Variants in HS6ST3 observed in about 807,000 individuals in gnomAD.
HS6ST3 encodes heparan-sulfate 6-O-sulfotransferase 3.
HS6ST3 carries 12 observed loss-of-function variants against 36.7 expected under a neutral mutation model. The observed-to-expected ratio is 0.33, with a 90% CI of 0.21 to 0.53. HS6ST3 has a LOEUF of 0.53. Among genes scored for constraint, HS6ST3 ranks in the 20% least tolerant of loss-of-function variants. HS6ST3 has a pLI of 0.95. For synonymous variants in HS6ST3, 240 were observed against 257.5 expected, an observed-to-expected ratio of 0.93 and a Z score of 0.65; for missense variants, 584 against 640.9, an observed-to-expected ratio of 0.91 and a Z score of 0.96.
intron 1 of HS6ST3, among the ~76,000 whole-genome samples, chr13:96,468,759 T>C (rs1314932510): frequency 1.3e-5 from 2 of 152,172 alleles, no homozygotes; most frequent in Middle Eastern, 3.2e-3. Context: ...ATTTTGGACA[T>C]TTTTAAGAAG....
intron 1 of HS6ST3, among the ~76,000 whole-genome samples, chr13:96,450,201 T>G (rs1192989023): frequency 2.0e-5 from 3 of 152,202 alleles, no homozygotes; most frequent in African/African-American, 7.2e-5. Context: ...TATAAATGAG[T>G]TGGCTTGAAC....
chr13:96,222,812 T>C (rs2054462362), intron 1 of HS6ST3, among the ~76,000 whole-genome samples: 1 of 152,244 alleles, frequency 6.6e-6, no homozygotes, highest in African/African-American at 2.4e-5. Context: ...TATTAATTTC[T>C]CATTTATCAG....
At chr13:96,346,535 A>T (rs1306382450) in intron 1 of HS6ST3, among the ~76,000 whole-genome samples, 1 of 151,600 alleles carries the variant, frequency 6.6e-6, no homozygotes, top group Non-Finnish European at 1.5e-5. Flanking sequence ...AGATCGCGCC[A>T]CTGCACTGCA....
Position 96,836,381 on chromosome 13 carries a change from T to C in HS6ST3, c.*3183T>C, listed in dbSNP as rs144996110. On this transcript the variant is annotated 3_prime_UTR_variant, in exon 2 of 2. Transcript: ENST00000376705. ...AGGACTAAGATACACACTTATCTAT[T>C]CTGTCTCCTTCTAGCTTTTAGGCAG... 2 of 152,314 alleles carry C rather than the reference T, an allele frequency of 1.3e-5. No individual in the cohort carries two copies. The highest frequency in any genetic ancestry group is 3.9e-4 in the East Asian group (2 of 5,168). 9.4% of individuals were successfully genotyped at this position (152,314 alleles called of 1,614,324 possible). A position where few individuals can be genotyped will look rare whatever the true frequency, so the allele number is the denominator to read the frequency against.
intron 1 of HS6ST3, among the ~76,000 whole-genome samples, chr13:96,252,776 C>T (rs994888240): frequency 2.6e-5 from 4 of 151,964 alleles, no homozygotes; most frequent in African/African-American, 9.7e-5. Context: ...CCTCACAATA[C>T]TGAGTTTTTG....
At chr13:96,595,571 ATCT>A (rs762933192) in intron 1 of HS6ST3, among the ~76,000 whole-genome samples, 18 of 151,664 alleles carry the variant, frequency 1.2e-4, no homozygotes, top group Admixed American at 2.6e-4. Context: ...GAATATTTAC[ATCT>A]TCTTCTAGGT....
At chr13:96,448,380 A>C (rs2055709578) in intron 1 of HS6ST3, among the ~76,000 whole-genome samples, 1 of 152,086 alleles carries the variant, frequency 6.6e-6, no homozygotes, top group African/African-American at 2.4e-5. Context: ...CCCCTCGTTT[A>C]AAATTACTCT....
chr13:96,687,050 C>G (rs1470003597), intron 1 of HS6ST3, among the ~76,000 whole-genome samples: 1 of 150,826 alleles, frequency 6.6e-6, no homozygotes, highest in African/African-American at 2.4e-5. Flanking sequence ...TAAAGAAACA[C>G]TGAGCAAATA....
At chr13:96,772,577 G>A (rs1225019106) in intron 1 of HS6ST3, among the ~76,000 whole-genome samples, 1 of 152,190 alleles carries the variant, frequency 6.6e-6, no homozygotes, top group Non-Finnish European at 1.5e-5. Context: ...ACGGTATGAG[G>A]AAATAAACTG....
chr13:96,258,766 G>A (rs9516653), intron 1 of HS6ST3, among the ~76,000 whole-genome samples: 87,152 of 151,914 alleles, frequency 0.57, 25,268 homozygotes, highest in Admixed American at 0.67. Flanking sequence ...TGGTCCAACT[G>A]AATCCATTCA....
intron 1 of HS6ST3, among the ~76,000 whole-genome samples, chr13:96,132,043 A>G (rs2053978351): frequency 1.3e-5 from 2 of 151,744 alleles, no homozygotes; most frequent in South Asian, 4.2e-4. Context: ...TTTATATAAC[A>G]TAATGTCCTC....
intron 1 of HS6ST3, among the ~76,000 whole-genome samples, chr13:96,644,207 A>G (rs1368351756): frequency 6.6e-6 from 1 of 152,114 alleles, no homozygotes; most frequent in East Asian, 1.9e-4. Flanking sequence ...GAAGAAAAAT[A>G]CTTTTTATTT....
chr13:96,370,764 T>G (rs562974648), intron 1 of HS6ST3, among the ~76,000 whole-genome samples: 1 of 152,062 alleles, frequency 6.6e-6, no homozygotes, highest in African/African-American at 2.4e-5. Flanking sequence ...ATACAAAAAT[T>G]AGCCGGGTGC....
intron 1 of HS6ST3, among the ~76,000 whole-genome samples, chr13:96,400,357 TGAA>T: frequency 6.6e-6 from 1 of 151,576 alleles, no homozygotes; most frequent in East Asian, 1.9e-4. Context: ...TCTTGACTCC[TGAA>T]TAGGCTGGGA....
At chr13:96,583,052 C>T (rs1021592441) in intron 1 of HS6ST3, among the ~76,000 whole-genome samples, 13 of 151,968 alleles carry the variant, frequency 8.6e-5, no homozygotes, top group African/African-American at 2.9e-4. Context: ...TTCTCTAGAA[C>T]CCCAGCCATA....
At chr13:96,832,287 A>G (rs1878817444) in intron 1 of HS6ST3, among the ~76,000 whole-genome samples, 1 of 152,226 alleles carries the variant, frequency 6.6e-6, no homozygotes. Context: ...GAAAAGCCCA[A>G]CAAACTCAGT....
At chr13:96,722,931 C>T (rs1594845158) in intron 1 of HS6ST3, among the ~76,000 whole-genome samples, 1 of 151,624 alleles carries the variant, frequency 6.6e-6, no homozygotes, top group Non-Finnish European at 1.5e-5. Context: ...GTGCCATGAT[C>T]GTGCCACTGC....
chr13:96,830,732 T>C (rs1405849058), intron 1 of HS6ST3, among the ~76,000 whole-genome samples: 1 of 152,230 alleles, frequency 6.6e-6, no homozygotes, highest in East Asian at 1.9e-4. Context: ...AAGACATTTG[T>C]ACAGGTGTTA....
chr13:96,825,316 T>G (rs1387788092), intron 1 of HS6ST3, among the ~76,000 whole-genome samples: 6 of 152,232 alleles, frequency 3.9e-5, no homozygotes, highest in Non-Finnish European at 7.3e-5. Context: ...GAACTTATAC[T>G]CTTCATTCTA....
Sources: allele counts gnomAD v4.1 joint callset (sites outside exome capture counted in the v4.1 genomes callset), GRCh38; gene constraint gnomAD v4.1.1; transcripts MANE v1.5; gene names NCBI Gene and HGNC (gene_info 2026-07-23, HGNC 2026-07-21).